NPRL3: variants seen among roughly 807,000 people sequenced by gnomAD.
The protein encoded by NPRL3 is GATOR1 complex protein NPRL3.
NPRL3 carries 23 observed loss-of-function variants against 57.2 expected under a neutral mutation model. That is an observed-to-expected ratio of 0.40 (90% confidence interval 0.29 to 0.57). The LOEUF is 0.57. Ranked by LOEUF, NPRL3 falls within the 20% of genes least tolerant of loss-of-function variation. The pLI, the probability that NPRL3 is intolerant of heterozygous loss-of-function variation, is 0.42. For synonymous variants in NPRL3, 333 were observed against 321.1 expected, an observed-to-expected ratio of 1.04 and a Z score of -0.39; for missense variants, 691 against 767.1, an observed-to-expected ratio of 0.90 and a Z score of 1.17.
intron 2 of NPRL3, among the ~76,000 whole-genome samples, chr16:135,406 C>T (rs2141990252): frequency 6.6e-6 from 1 of 152,192 alleles, no homozygotes; most frequent in East Asian, 1.9e-4. Flanking sequence ...GTCAGGAGTT[C>T]AAGACCAGCC....
chr16:110,343 A>G (rs1899744778), intron 7 of NPRL3, among the ~76,000 whole-genome samples, 182 bp downstream of exon 7: 1 of 152,162 alleles, frequency 6.6e-6, no homozygotes, highest in East Asian at 1.9e-4. Context: ...ACTTCTTTCA[A>G]GAGCAGCCAC....
At chr16:102,503 A>G (rs1000873120) in intron 7 of NPRL3, among the ~76,000 whole-genome samples, 1 of 152,154 alleles carries the variant, frequency 6.6e-6, no homozygotes, top group Non-Finnish European at 1.5e-5. Context: ...CAAAACACAC[A>G]CAAGTTCTTC....
At position 86,369 on chromosome 16, in the gene NPRL3, C is replaced by CGCCG; in HGVS notation, c.*335_*336insCGGC. Reference sequence around the variant, plus strand: ...GCAGGTGTAGGGACAGAAGGAGGGTCTGAGAAACGCACAGCCCACATGGGC... The same window carrying CGCCG: ...GCAGGTGTAGGGACAGAAGGAGGGTCGCCGTGAGAAACGCACAGCCCACATGGGC... On this transcript the variant is annotated 3_prime_UTR_variant, in exon 14 of 14. Transcript: ENST00000611875. 1 of 285,342 alleles carries CGCCG rather than the reference C, an allele frequency of 3.5e-6. No homozygotes were observed. The allele number at this position is 285,342 out of a possible 1,614,324, so 17.7% of individuals were successfully genotyped here.
At chr16:94,890 C>G (rs1348576839) in intron 9 of NPRL3, among the ~76,000 whole-genome samples, 1 of 152,158 alleles carries the variant, frequency 6.6e-6, no homozygotes, top group Non-Finnish European at 1.5e-5. Context: ...GCAGCCTCTC[C>G]AAGATGCTGT....
At chr16:96,398 T>G (rs1312583675) in intron 9 of NPRL3, among the ~76,000 whole-genome samples, 1 of 152,288 alleles carries the variant, frequency 6.6e-6, no homozygotes, top group East Asian at 1.9e-4. Context: ...GGAGGGTCAC[T>G]GCCTCCCTCA....
chr16:122,900 T>A (rs925220539), intron 3 of NPRL3, among the ~76,000 whole-genome samples: 2 of 152,166 alleles, frequency 1.3e-5, no homozygotes, highest in Non-Finnish European at 2.9e-5. Context: ...ACAGACACTG[T>A]GTGTACCTCC....
intron 7 of NPRL3, among the ~76,000 whole-genome samples, chr16:101,553 C>T (rs1022902987): frequency 4.6e-5 from 7 of 152,230 alleles, no homozygotes; most frequent in Non-Finnish European, 7.3e-5. Context: ...ATTTCTTTCA[C>T]AGTCCACTTT....
At chr16:99,095 T>C (rs1026380156) in intron 8 of NPRL3, among the ~76,000 whole-genome samples, 5 of 152,056 alleles carry the variant, frequency 3.3e-5, no homozygotes, top group Admixed American at 2.6e-4. Flanking sequence ...CCTAAGGAAA[T>C]TGTCCCAAAT....
At chr16:126,250 C>T (rs1244214585) in intron 3 of NPRL3, 1 of 133,692 alleles carries the variant, frequency 7.5e-6, no homozygotes, top group Admixed American at 7.1e-5. Flanking sequence ...GAGAAACCCT[C>T]TGTTAAAAAA....
intron 13 of NPRL3, among the ~76,000 whole-genome samples, chr16:88,006 G>A (rs182210772): frequency 6.6e-6 from 1 of 152,014 alleles, no homozygotes; most frequent in Non-Finnish European, 1.5e-5. Flanking sequence ...GTTGCAAGTG[G>A]TTCTCTCGAG....
At chr16:119,833 G>C (rs977878772) in intron 3 of NPRL3, among the ~76,000 whole-genome samples, 5 of 152,222 alleles carry the variant, frequency 3.3e-5, no homozygotes, top group African/African-American at 1.2e-4. Flanking sequence ...GTTTTTATCA[G>C]GGAAGAAGCT....
intron 8 of NPRL3, among the ~76,000 whole-genome samples, 160 bp downstream of exon 8, chr16:100,212 T>C (rs1031157106): frequency 2.6e-5 from 4 of 152,048 alleles, no homozygotes; most frequent in Admixed American, 6.6e-5. Context: ...TACAAAATTA[T>C]GTGTTTTAAC....
At chr16:130,805 T>C (rs1339351186) in intron 2 of NPRL3, among the ~76,000 whole-genome samples, 3 of 152,118 alleles carry the variant, frequency 2.0e-5, no homozygotes, top group East Asian at 3.9e-4. Flanking sequence ...GCACTTACAG[T>C]ATATGAAATG....
chr16:127,810 A>G (rs889321140), intron 3 of NPRL3, among the ~76,000 whole-genome samples: 6 of 151,174 alleles, frequency 4.0e-5, no homozygotes, highest in Admixed American at 2.6e-4. Context: ...GCCCGCCACC[A>G]TGCCCGGATA....
chr16:127,235 ATTTTTTT>A (rs35559832), intron 3 of NPRL3: 10 of 99,846 alleles, frequency 1.0e-4, no homozygotes, highest in East Asian at 3.0e-4. Flanking sequence ...GCACTGTCCA[ATTTTTTT>A]TTTTTTTTTT....
chr16:86,907 C>G (rs1596492325), intron 13 of NPRL3, 37 bp from the exon 14 acceptor site: 1 of 1,593,666 alleles, frequency 6.3e-7, no homozygotes, highest in Non-Finnish European at 8.6e-7. Flanking sequence ...CAACCTGACA[C>G]CAGCCCCCAG....
chr16:134,694 A>ATTATTATTATTTTTTTTTTTTT (rs1346965930), intron 2 of NPRL3, among the ~76,000 whole-genome samples: 2 of 103,412 alleles, frequency 1.9e-5, no homozygotes, highest in African/African-American at 6.8e-5. Flanking sequence ...AATTATTATT[A>ATTATTATTATTTTTTTTTTTTT]TTTTTTTTTT....
intron 8 of NPRL3, among the ~76,000 whole-genome samples, 200 bp from the exon 9 acceptor site, chr16:98,501 C>CAGGTCCTGCACG (rs926024987): frequency 6.6e-6 from 1 of 152,162 alleles, no homozygotes; most frequent in Non-Finnish European, 1.5e-5. Context: ...AGGTATGCAC[C>CAGGTCCTGCACG]AGGTCCTGCA....
At chr16:132,469 G>A (rs1323241374) in intron 2 of NPRL3, among the ~76,000 whole-genome samples, 2 of 151,958 alleles carry the variant, frequency 1.3e-5, no homozygotes, top group African/African-American at 2.4e-5. Flanking sequence ...CTGAAGTTTC[G>A]ACTCCTTCAA....
Sources: gnomAD v4.1 joint callset for allele counts (sites outside exome capture counted in the v4.1 genomes callset) on GRCh38, gnomAD v4.1.1 for gene constraint, MANE v1.5 for transcripts, NCBI Gene and HGNC (gene_info 2026-07-23, HGNC 2026-07-21) for gene names.